OR7C1: variants seen among roughly 807,000 people sequenced by gnomAD.
OR7C1 encodes the protein olfactory receptor 7C1.
For missense variants in OR7C1, 324 were observed against 383.3 expected, an observed-to-expected ratio of 0.85 and a Z score of 1.29; for synonymous variants, 152 against 160.7, an observed-to-expected ratio of 0.95 and a Z score of 0.41.
intron 1 of OR7C1, chr19:14,826,659 C>T (rs1248659901): frequency 6.6e-6 from 1 of 152,170 alleles, no homozygotes; most frequent in African/African-American, 2.4e-5. Context: ...AGTTAATCAA[C>T]ATATGCAAGT....
At chr19:14,800,170 G>A (rs778639947) in intron 4 of OR7C1, 21 bp from the exon 5 acceptor site, 2 of 1,509,192 alleles carry the variant, frequency 1.3e-6, no homozygotes, top group Non-Finnish European at 1.8e-6. Context: ...AGAGAAAAAA[G>A]CAACAGTCAA....
intron 1 of OR7C1, among the ~76,000 whole-genome samples, chr19:14,815,001 A>G (rs1034787261): frequency 6.6e-6 from 1 of 152,170 alleles, no homozygotes; most frequent in African/African-American, 2.4e-5. Flanking sequence ...CCTACCCTTA[A>G]AGAATAATTT....
At chr19:14,804,456 C>T (rs1406628790) in intron 2 of OR7C1, among the ~76,000 whole-genome samples, 2 of 152,036 alleles carry the variant, frequency 1.3e-5, no homozygotes. Flanking sequence ...AATTTGATTT[C>T]CAGAGTCGCC....
chr19:14,799,965 G>A (rs2044632938), exon 5 of OR7C1: 2 of 1,614,118 alleles, frequency 1.2e-6, no homozygotes, highest in Non-Finnish European at 8.5e-7. Context: ...AAGTACATGG[G>A]GGTGTGGAGG....
At chr19:14,811,262 A>G (rs948480843) in intron 1 of OR7C1, among the ~76,000 whole-genome samples, 7 of 151,870 alleles carry the variant, frequency 4.6e-5, no homozygotes, top group Non-Finnish European at 7.3e-5. Context: ...TCAAGGTGCA[A>G]GAAGGGCCAG....
chr19:14,828,297 G>T, intron 1 of OR7C1: 1 of 1,533,424 alleles, frequency 6.5e-7, no homozygotes, highest in Non-Finnish European at 8.8e-7. Context: ...AGACAGGCAT[G>T]CATTGCTAAC....
At chr19:14,809,552 CAG>C (rs1386008302) in intron 2 of OR7C1, among the ~76,000 whole-genome samples, 5 of 150,602 alleles carry the variant, frequency 3.3e-5, no homozygotes, top group East Asian at 3.9e-4. Context: ...CAAGAAGAAA[CAG>C]AGATTGAAAG....
exon 5 of OR7C1, chr19:14,799,647 A>G: frequency 1.2e-6 from 2 of 1,614,160 alleles, no homozygotes; most frequent in South Asian, 1.1e-5. Flanking sequence ...GACAGCCTCA[A>G]AACAGTCAAG....
At position 14,812,057 on chromosome 19, in the gene OR7C1, G is replaced by T. The variant is rs370965628; in HGVS notation, c.-622-2064C>A. On this transcript the variant is annotated intron_variant, in intron 1 of 4. Coordinates refer to ENST00000641666, the Ensembl canonical transcript of OR7C1. ...TGTTCAGTCTTTGCTGCAGTGACTGGGGCAGCTCTGCTTCATGCTGTGGAC... is the reference window on the plus strand; with the variant it reads ...TGTTCAGTCTTTGCTGCAGTGACTGTGGCAGCTCTGCTTCATGCTGTGGAC... Among the ~76,000 whole-genome samples the T allele has an allele frequency of 1.5e-3, 222 of 150,226 alleles. 2 individuals are homozygous for T. In the South Asian group the frequency reaches 0.045, roughly 31 times the overall value.
At chr19:14,827,886 G>A in intron 1 of OR7C1, 1 of 1,614,164 alleles carries the variant, frequency 6.2e-7, no homozygotes, top group Non-Finnish European at 8.5e-7. Flanking sequence ...CCGGTCATAG[G>A]CCATCACGGA....
At chr19:14,813,738 T>C (rs771346217) in intron 1 of OR7C1, among the ~76,000 whole-genome samples, 18 of 151,904 alleles carry the variant, frequency 1.2e-4, no homozygotes, top group Admixed American at 3.9e-4. Context: ...CAGACACTTA[T>C]CAAACAGCCA....
chr19:14,815,325 T>C (rs1275535376), intron 1 of OR7C1, among the ~76,000 whole-genome samples: 1 of 152,230 alleles, frequency 6.6e-6, no homozygotes, highest in Non-Finnish European at 1.5e-5. Context: ...AAGTCTCCAC[T>C]CCAAAGTGGG....
chr19:14,828,285 C>T (rs201380372), intron 1 of OR7C1: 209 of 1,563,394 alleles, frequency 1.3e-4, no homozygotes, highest in Middle Eastern at 3.4e-4. Context: ...AAGAGGGAAA[C>T]GAGACAGGCA....
intron 2 of OR7C1, among the ~76,000 whole-genome samples, chr19:14,806,652 G>A (rs893912496): frequency 6.6e-6 from 1 of 151,906 alleles, no homozygotes; most frequent in Admixed American, 6.6e-5. Context: ...TTCCATTCCT[G>A]TGTTAGTTTG....
chr19:14,828,064 A>C, intron 1 of OR7C1: 1 of 1,614,218 alleles, frequency 6.2e-7, no homozygotes, highest in Non-Finnish European at 8.5e-7. Context: ...AGGAAGAAGT[A>C]CATGGGGGTG....
At chr19:14,828,151 A>G in intron 1 of OR7C1, 1 of 1,614,146 alleles carries the variant, frequency 6.2e-7, no homozygotes, top group Non-Finnish European at 8.5e-7. Flanking sequence ...ATGGACAGGA[A>G]CAGCCCAAAG....
At chr19:14,817,110 C>T (rs1258971977) in intron 1 of OR7C1, among the ~76,000 whole-genome samples, 1 of 152,098 alleles carries the variant, frequency 6.6e-6, no homozygotes, top group Non-Finnish European at 1.5e-5. Context: ...GAAATAATTG[C>T]AAAGTAAAGC....
At chr19:14,803,307 C>CAAAA (rs553496845) in intron 2 of OR7C1, among the ~76,000 whole-genome samples, 22 of 83,560 alleles carry the variant, frequency 2.6e-4, no homozygotes, top group African/African-American at 8.2e-4. Flanking sequence ...ACTATGTCTC[C>CAAAA]AAAAAAAAAA....
intron 1 of OR7C1, among the ~76,000 whole-genome samples, chr19:14,813,498 T>G (rs1399674664): frequency 6.6e-6 from 1 of 152,062 alleles, no homozygotes; most frequent in Admixed American, 6.6e-5. Flanking sequence ...GAGCTTGCAG[T>G]GAGCCAAGAT....
Sources: allele counts gnomAD v4.1 joint callset (sites outside exome capture counted in the v4.1 genomes callset), GRCh38; gene constraint gnomAD v4.1.1; transcripts MANE v1.5; gene names NCBI Gene and HGNC (gene_info 2026-07-23, HGNC 2026-07-21).